GSE1: variants seen among roughly 807,000 people sequenced by gnomAD.
The protein encoded by GSE1 is Gse1 coiled-coil protein.
GSE1 carries 32 observed loss-of-function variants against 112.6 expected under a neutral mutation model. That is an observed-to-expected ratio of 0.28 (90% CI 0.21 to 0.38). The LOEUF (loss-of-function observed/expected upper bound fraction) is 0.38. Among genes scored for constraint, GSE1 ranks in the 10% least tolerant of loss-of-function variants. The pLI is 1.00. For missense variants in GSE1, 2,348 were observed against 1,699.2 expected (o/e 1.38, Z -6.71); for synonymous variants, 1,115 against 735.6 (o/e 1.52, Z -8.35).
intron 2 of GSE1, among the ~76,000 whole-genome samples, chr16:85,474,330 C>A (rs2050385848): frequency 6.6e-6 from 1 of 152,140 alleles, no homozygotes; most frequent in Non-Finnish European, 1.5e-5. Flanking sequence ...AAACAGCCTG[C>A]CCTGCCCTCT....
At chr16:85,261,949 C>T (rs142568398) in intron 1 of GSE1, among the ~76,000 whole-genome samples, 3 of 152,254 alleles carry the variant, frequency 2.0e-5, no homozygotes, top group African/African-American at 7.2e-5. Flanking sequence ...ATAGGCTCTC[C>T]CCCATGCCTT....
Position 85,634,141 on chromosome 16 carries a change from G to A in GSE1, c.226+9G>A, listed in dbSNP as rs943290853. On this transcript the variant is annotated intron_variant, in intron 2 of 15. Transcript: ENST00000253458. ...GGCGGAGGAGCCCAGAGGTAAGGGG[G>A]CCCGCCAGGCTGCGCGTGGGGGGAG... The A allele has an allele frequency of 2.8e-6, 4 of 1,447,608 alleles. No homozygotes were observed. The highest frequency in any genetic ancestry group is 2.7e-5 in the East Asian group (1 of 36,774). 89.7% of individuals were successfully genotyped at this position (1,447,608 alleles called of 1,614,324 possible).
At chr16:85,364,083 C>T (rs2047136824) in intron 2 of GSE1, among the ~76,000 whole-genome samples, 1 of 152,238 alleles carries the variant, frequency 6.6e-6, no homozygotes, top group African/African-American at 2.4e-5. Flanking sequence ...GTTAGTCTCA[C>T]TGTGCAAAAA....
chr16:85,512,021 G>C (rs372113274), intron 2 of GSE1, among the ~76,000 whole-genome samples: 5 of 152,204 alleles, frequency 3.3e-5, no homozygotes, highest in African/African-American at 1.2e-4. Flanking sequence ...CGCAGGAGTG[G>C]AGGGAGGTGC....
At chr16:85,580,272 CA>C (rs1329566149) in intron 1 of GSE1, 3 of 152,656 alleles carry the variant, frequency 2.0e-5, no homozygotes, top group East Asian at 3.9e-4. Context: ...GATGATGTTC[CA>C]GTCTCACAGT....
intron 1 of GSE1, among the ~76,000 whole-genome samples, chr16:85,601,607 G>C (rs1329744705): frequency 6.6e-6 from 1 of 152,194 alleles, no homozygotes; most frequent in Non-Finnish European, 1.5e-5. Flanking sequence ...ACAGGCGGCT[G>C]ACTAAAAATC....
intron 1 of GSE1, among the ~76,000 whole-genome samples, chr16:85,289,313 C>G (rs1409828198): frequency 6.6e-6 from 1 of 152,122 alleles, no homozygotes; most frequent in Non-Finnish European, 1.5e-5. Context: ...GAGAGGCTGG[C>G]TTTGTCAGTG....
At chr16:85,647,794 C>G (rs976172314) in intron 2 of GSE1, among the ~76,000 whole-genome samples, 3 of 152,184 alleles carry the variant, frequency 2.0e-5, no homozygotes, top group Non-Finnish European at 4.4e-5. Flanking sequence ...ACCATGTTGG[C>G]CAGGATGGTC....
At chr16:85,625,100 G>A (rs543942903) in intron 1 of GSE1, among the ~76,000 whole-genome samples, 1 of 152,232 alleles carries the variant, frequency 6.6e-6, no homozygotes, top group South Asian at 2.1e-4. Context: ...TCAGGGCCCC[G>A]CCCTCTCCCT....
intron 2 of GSE1, among the ~76,000 whole-genome samples, chr16:85,451,835 A>G (rs899891652): frequency 6.6e-6 from 1 of 152,256 alleles, no homozygotes; most frequent in Non-Finnish European, 1.5e-5. Context: ...AGAGCAGTGC[A>G]CCACTGTATG....
chr16:85,462,695 C>T (rs1168722100), intron 2 of GSE1, among the ~76,000 whole-genome samples: 2 of 54,696 alleles, frequency 3.7e-5, no homozygotes, highest in East Asian at 7.5e-4. Context: ...GCGGGGGCGC[C>T]GCGGCGCGGG....
At chr16:85,333,460 G>A (rs1047072706) in intron 1 of GSE1, among the ~76,000 whole-genome samples, 7 of 152,268 alleles carry the variant, frequency 4.6e-5, no homozygotes, top group Middle Eastern at 3.4e-3. Flanking sequence ...CTCTGAGTGC[G>A]GCTGCAGCCC....
At chr16:85,394,784 G>A (rs183321524) in intron 2 of GSE1, among the ~76,000 whole-genome samples, 13 of 151,820 alleles carry the variant, frequency 8.6e-5, no homozygotes, top group East Asian at 7.8e-4. Context: ...TCTCCTGTTC[G>A]TGCCACTTCC....
chr16:85,182,312 GC>G (rs1457427949), intron 1 of GSE1, among the ~76,000 whole-genome samples: 1 of 152,214 alleles, frequency 6.6e-6, no homozygotes, highest in Non-Finnish European at 1.5e-5. Flanking sequence ...TCTGGGTTCA[GC>G]CCTGTTGTCC....
intron 2 of GSE1, among the ~76,000 whole-genome samples, chr16:85,387,920 GTGGATGGA>G (rs58007210): frequency 6.7e-6 from 1 of 148,968 alleles, no homozygotes; most frequent in Admixed American, 6.6e-5. Flanking sequence ...AGGTGGGTGA[GTGGATGGA>G]TGGATGGATG....
intron 2 of GSE1, among the ~76,000 whole-genome samples, chr16:85,424,494 G>A (rs538978282): frequency 7.2e-5 from 11 of 152,306 alleles, no homozygotes; most frequent in African/African-American, 2.6e-4. Context: ...ATGGGAACCC[G>A]CCAGCCATGC....
At chr16:85,508,515 G>A (rs2051618846) in intron 2 of GSE1, among the ~76,000 whole-genome samples, 1 of 152,210 alleles carries the variant, frequency 6.6e-6, no homozygotes, top group South Asian at 2.1e-4. Flanking sequence ...AGGAGGGGCT[G>A]CCTGCATGGG....
At position 85,671,085 on chromosome 16, in the gene GSE1, C is replaced by G. The variant is rs369711524; in HGVS notation, c.3506C>G (p.Ser1169Cys). 5 of 1,601,830 alleles carry G rather than the reference C, an allele frequency of 3.1e-6. No individual in the cohort carries two copies. Among genetic ancestry groups the G allele is most frequent in the African/African-American group, 1.3e-5 (1 of 74,748 alleles). The change falls in exon 15 of 16, where the codon TCC (serine) becomes TGC (cysteine). Residue 1169 changes from serine to cysteine, a missense_variant. Transcript: ENST00000253458. ...YSLSLTAEQL[S>C]HSVAELRSQK... ...CTCAGCCTGACGGCAGAGCAGCTCT[C>G]CCACAGCGTGGCGGTGAGTTGGGAA...
rs754443353 is a variant in GSE1 at position 85,663,015 on chromosome 16, G to A, written c.2295G>A (p.Glu765=). Residue 765 remains glutamate (E), a synonymous_variant, in exon 10 of 16, where the codon GAG becomes GAA. Coordinates refer to ENST00000253458, the MANE Select transcript of GSE1 (RefSeq NM_014615.5). The part of the protein sequence containing the change: ...YYYDLDDSYD[E]SDEEEVRAHL... Reference sequence around the variant, plus strand: ...ACGACCTCGATGACTCTTACGACGAGAGCGATGAGGAGGAGGTCAGGGCCC... The same window carrying A: ...ACGACCTCGATGACTCTTACGACGAAAGCGATGAGGAGGAGGTCAGGGCCC... 8.1e-6 allele frequency: 13 copies of A among 1,612,942 alleles called. No homozygotes were observed. Among genetic ancestry groups the A allele is most frequent in the Admixed American group, 3.3e-5 (2 of 60,010 alleles).
Sources: gnomAD v4.1 joint callset for allele counts (sites outside exome capture counted in the v4.1 genomes callset) on GRCh38, gnomAD v4.1.1 for gene constraint, MANE v1.5 for transcripts, NCBI Gene and HGNC (gene_info 2026-07-23, HGNC 2026-07-21) for gene names.